The following CSMD2 variants were observed in gnomAD, a reference collection of about 807,000 sequenced individuals.
CSMD2 encodes CUB and sushi domain-containing protein 2.
CSMD2 carries 130 observed loss-of-function variants against 398.5 expected under a neutral mutation model. The observed-to-expected ratio is 0.33, with a 90% CI of 0.28 to 0.38. The LOEUF (loss-of-function observed/expected upper bound fraction) is 0.38. Among genes scored for constraint, CSMD2 ranks in the 10% least tolerant of loss-of-function variants. The pLI is 1.00. For synonymous variants in CSMD2, 1,828 were observed against 1,908.5 expected (o/e 0.96, Z 1.10); for missense variants, 3,829 against 4,764.9 (o/e 0.80, Z 5.78).
At chr1:33,874,565 C>T (rs1360120996) in intron 5 of CSMD2, among the ~76,000 whole-genome samples, 1 of 152,220 alleles carries the variant, frequency 6.6e-6, no homozygotes, top group Non-Finnish European at 1.5e-5. Context: ...GCCTCCTGGG[C>T]ATCTGGACAT....
Position 33,633,562 on chromosome 1 carries a change from T to G in CSMD2, c.5087-27A>C. 1.3e-6 allele frequency: 2 copies of G among 1,514,576 alleles called. No individual in the cohort carries two copies. Among genetic ancestry groups the G allele is most frequent in the Non-Finnish European group, 1.8e-6 (2 of 1,113,358 alleles). 93.8% of individuals were successfully genotyped at this position (1,514,576 alleles called of 1,614,324 possible). On this transcript the variant is annotated intron_variant, in intron 31 of 70. Transcript: ENST00000373381. This position sits in a 1 kb window ranked among gnomAD's most constrained non-coding sequence, Gnocchi z 5.0. ...TGTGGAGGAGACACAGTGTGGGGAC[T>G]GGGCAGGCACGCTGGGGGCAGGAGA...
At position 33,636,347 on chromosome 1, in the gene CSMD2, A is replaced by G. The variant is rs1642802014; in HGVS notation, c.4969+13T>C. On this transcript the variant is annotated intron_variant, in intron 30 of 70. Transcript: ENST00000373381. This position sits in a 1 kb window ranked among gnomAD's most constrained non-coding sequence, Gnocchi z 4.8. ...AGTTCCTCAGACCCCTGCCATCCCC[A>G]GGCTTCCACCACCTGTGCAGACTGG... 1 of 1,581,424 alleles carries G rather than the reference A, an allele frequency of 6.3e-7. No individual in the cohort carries two copies. Among genetic ancestry groups the G allele is most frequent in the African/African-American group, 1.4e-5 (1 of 74,030 alleles).
chr1:33,672,177 C>G (rs2149032690), intron 25 of CSMD2, among the ~76,000 whole-genome samples: 2 of 152,322 alleles, frequency 1.3e-5, no homozygotes, highest in South Asian at 4.1e-4. Flanking sequence ...GAGGCATCGC[C>G]TCACCTGGGA....
Position 33,791,968 on chromosome 1 carries a change from G to A in CSMD2, c.1550+455C>T, listed in dbSNP as rs527509084. On this transcript the variant is annotated intron_variant, in intron 11 of 70. Transcript: ENST00000373381. ...GAAGTGTGGCCACTATGTCTATATGGTCCTGATTCTCTGAAACCATCCATT... is the reference window on the plus strand; with the variant it reads ...GAAGTGTGGCCACTATGTCTATATGATCCTGATTCTCTGAAACCATCCATT... Among the ~76,000 whole-genome samples the A allele has an allele frequency of 8.5e-4, 130 of 152,234 alleles. 2 individuals are homozygous for A. Among genetic ancestry groups the A allele is most frequent in the African/African-American group, 3.1e-3 (129 of 41,528 alleles).
At chr1:33,747,131 T>C (rs566834935) in intron 13 of CSMD2, among the ~76,000 whole-genome samples, 1 of 152,246 alleles carries the variant, frequency 6.6e-6, no homozygotes, top group Non-Finnish European at 1.5e-5. Flanking sequence ...AACCAAGAGA[T>C]GAATTTAAAC....
intron 44 of CSMD2, among the ~76,000 whole-genome samples, chr1:33,590,931 C>G (rs1487176554): frequency 6.7e-6 from 1 of 150,240 alleles, no homozygotes; most frequent in Non-Finnish European, 1.5e-5. Flanking sequence ...TGTTATTCCT[C>G]AAGCTGCTGG....
At chr1:34,075,067 T>C (rs1478934) in intron 2 of CSMD2, among the ~76,000 whole-genome samples, 147,378 of 152,340 alleles carry the variant, frequency 0.97, 71,449 homozygotes, top group East Asian at 1. Context: ...GTTGTGTCTC[T>C]GATACCTGGC....
At chr1:33,875,407 C>T (rs1640769645) in intron 5 of CSMD2, 1 of 152,152 alleles carries the variant, frequency 6.6e-6, no homozygotes, top group South Asian at 2.1e-4. Context: ...TGGGCGTTTA[C>T]TATGGACTAA....
chr1:33,652,544 G>C, intron 27 of CSMD2, 83 bp from the exon 28 acceptor site: 1 of 1,514,806 alleles, frequency 6.6e-7, no homozygotes, highest in South Asian at 1.2e-5. Context: ...ACTATTGAGA[G>C]AGGAGAGGCT....
intron 3 of CSMD2, among the ~76,000 whole-genome samples, chr1:33,937,440 G>T (rs773675064): frequency 4.6e-5 from 7 of 152,336 alleles, no homozygotes; most frequent in Non-Finnish European, 8.8e-5. Flanking sequence ...GAGTAAAAGA[G>T]TGGGGTGGCA....
rs754443754 is a variant in CSMD2 at position 33,846,907 on chromosome 1, C to T, written c.1010G>A (p.Arg337His). 9.3e-6 allele frequency: 15 copies of T among 1,608,096 alleles called. No homozygotes were observed. Among genetic ancestry groups the T allele is most frequent in the South Asian group, 2.2e-5 (2 of 90,236 alleles). ...HFTSDGNHRQ[R>H]GFSAQYQVKK... is the part of the protein sequence containing the mutation. ...ACCTTGGTATTGGGCACTGAATCCG[C>T]GCTGCCGGTGGTTGCCATCCGATGT... is the stretch of plus-strand genomic sequence containing the variant. Residue 337 changes from arginine to histidine, a missense_variant, in exon 6 of 71, where the codon CGC becomes CAC. Physicochemically the swap from Arg to His is conservative, Grantham distance 29 (BLOSUM62 0). Transcript: ENST00000373381.
At chr1:33,850,938 T>C (rs1200707160) in intron 5 of CSMD2, among the ~76,000 whole-genome samples, 1 of 152,150 alleles carries the variant, frequency 6.6e-6, no homozygotes, top group Non-Finnish European at 1.5e-5. Context: ...AGAGCAGATT[T>C]TGTGGGAAGC....
intron 3 of CSMD2, among the ~76,000 whole-genome samples, chr1:33,999,316 A>C (rs542703174): frequency 1.3e-5 from 2 of 152,320 alleles, no homozygotes; most frequent in African/African-American, 4.8e-5. Flanking sequence ...CAGGCTGGAC[A>C]GCTTTGAAAC....
chr1:34,000,244 T>C (rs548320272), intron 3 of CSMD2, among the ~76,000 whole-genome samples: 1 of 152,192 alleles, frequency 6.6e-6, no homozygotes, highest in Admixed American at 6.5e-5. Flanking sequence ...GATGTGGGAA[T>C]GTGGACCAGC....
At chr1:33,623,263 C>T (rs1458889843) in intron 36 of CSMD2, 107 bp downstream of exon 36, 1 of 802,906 alleles carries the variant, frequency 1.2e-6, no homozygotes, top group African/African-American at 1.7e-5. Flanking sequence ...TGGTGAATTT[C>T]ATGGAATATA....
intron 25 of CSMD2, among the ~76,000 whole-genome samples, chr1:33,684,509 C>T (rs890806698): frequency 6.6e-6 from 1 of 152,188 alleles, no homozygotes; most frequent in Non-Finnish European, 1.5e-5. Flanking sequence ...ACCCGAACCA[C>T]ATTTGCGCAT....
At chr1:33,622,018 C>G in intron 37 of CSMD2, 149 bp downstream of exon 37, 1 of 679,438 alleles carries the variant, frequency 1.5e-6, no homozygotes, top group South Asian at 1.7e-5. Context: ...CAGACCTTCT[C>G]TGGGCTTTAG....
chr1:33,933,118 CT>C (rs1451152062), intron 4 of CSMD2, among the ~76,000 whole-genome samples: 1 of 152,216 alleles, frequency 6.6e-6, no homozygotes, highest in Non-Finnish European at 1.5e-5. Context: ...ATTGCCACAC[CT>C]TCCATAAAGC....
At chr1:34,051,239 C>T (rs1294899737) in intron 2 of CSMD2, among the ~76,000 whole-genome samples, 1 of 152,174 alleles carries the variant, frequency 6.6e-6, no homozygotes, top group Non-Finnish European at 1.5e-5. Context: ...GGCTCAGGCA[C>T]TTTAAGTTTA....
Sources: gnomAD v4.1 joint callset for allele counts (sites outside exome capture counted in the v4.1 genomes callset) on GRCh38, gnomAD v4.1.1 for gene constraint, Gnocchi (gnomAD v3.1) non-coding constraint, MANE v1.5 for transcripts, NCBI Gene and HGNC (gene_info 2026-07-23, HGNC 2026-07-21) for gene names.